LRRC4C: variants seen among roughly 807,000 people sequenced by gnomAD.
The protein encoded by LRRC4C is leucine rich repeat containing 4C.
Under a neutral mutation model 33.6 loss-of-function variants are expected in LRRC4C, and 5 were observed. That is an observed-to-expected ratio of 0.15 (90% CI 0.08 to 0.31). The LOEUF (loss-of-function observed/expected upper bound fraction) is 0.31, where lower values mean the gene tolerates loss of function less well. LRRC4C is among the 10% of genes least tolerant of loss of function. The pLI is 1.00. For synonymous variants in LRRC4C, 329 were observed against 302.0 expected (o/e 1.09, Z -0.93); for missense variants, 560 against 796.7 (o/e 0.70, Z 3.58).
intron 3 of LRRC4C, among the ~76,000 whole-genome samples, chr11:40,411,673 T>A (rs1950161278): frequency 1.3e-5 from 2 of 152,092 alleles, no homozygotes; most frequent in Non-Finnish European, 2.9e-5. Flanking sequence ...TGCTTAGTGA[T>A]GCAGGTTTTA....
intron 1 of LRRC4C, among the ~76,000 whole-genome samples, chr11:41,439,690 C>T (rs1273378193): frequency 2.0e-5 from 3 of 152,070 alleles, no homozygotes; most frequent in African/African-American, 7.2e-5. Flanking sequence ...TTTTAAAAAA[C>T]ATCTGTTCAT....
chr11:40,426,355 A>C (rs1004197838), intron 3 of LRRC4C, among the ~76,000 whole-genome samples: 2 of 148,156 alleles, frequency 1.3e-5, no homozygotes, highest in Non-Finnish European at 3.0e-5. Context: ...CAACTCTCAT[A>C]TTCCTCACTT....
At chr11:41,011,810 T>A (rs1316935272) in intron 1 of LRRC4C, among the ~76,000 whole-genome samples, 8 of 133,496 alleles carry the variant, frequency 6.0e-5, no homozygotes, top group Non-Finnish European at 1.3e-4. Context: ...AAAAAAAAAA[T>A]CATTCTATGT....
intron 1 of LRRC4C, among the ~76,000 whole-genome samples, chr11:41,279,063 G>C (rs1456929897): frequency 6.6e-6 from 1 of 152,022 alleles, no homozygotes; most frequent in African/African-American, 2.4e-5. Flanking sequence ...TGTGGCATTT[G>C]GTTTTCTGTT....
chr11:40,466,402 C>A (rs182956627), intron 3 of LRRC4C, among the ~76,000 whole-genome samples: 1 of 151,762 alleles, frequency 6.6e-6, no homozygotes, highest in Admixed American at 6.6e-5. Flanking sequence ...CCCTCGTAAC[C>A]CCTAAATCTA....
intron 2 of LRRC4C, among the ~76,000 whole-genome samples, chr11:40,770,049 A>C (rs1189038684): frequency 6.6e-6 from 1 of 152,214 alleles, no homozygotes; most frequent in Non-Finnish European, 1.5e-5. Flanking sequence ...CAAAGGAAAC[A>C]ATAATCAAAG....
At chr11:40,315,705 T>A (rs1945542751) in intron 4 of LRRC4C, among the ~76,000 whole-genome samples, 1 of 152,036 alleles carries the variant, frequency 6.6e-6, no homozygotes, top group Non-Finnish European at 1.5e-5. Context: ...TGTCTTCATT[T>A]GTCCACTGAT....
intron 2 of LRRC4C, among the ~76,000 whole-genome samples, chr11:40,732,402 C>A (rs1321818794): frequency 6.6e-6 from 1 of 152,150 alleles, no homozygotes; most frequent in Admixed American, 6.5e-5. Flanking sequence ...GAATGATGGT[C>A]TCTCTAGTTC....
intron 4 of LRRC4C, among the ~76,000 whole-genome samples, chr11:40,271,575 G>C (rs1942700628): frequency 6.6e-6 from 1 of 152,152 alleles, no homozygotes; most frequent in Non-Finnish European, 1.5e-5. Flanking sequence ...GGCTCTGGCT[G>C]AAACAGCTTC....
At chr11:40,381,976 T>TTTTTTTA (rs1948888430) in intron 3 of LRRC4C, among the ~76,000 whole-genome samples, 1 of 148,132 alleles carries the variant, frequency 6.8e-6, no homozygotes, top group African/African-American at 2.5e-5. Context: ...TTTTTTTTTT[T>TTTTTTTA]GAGAGAGTCC....
At chr11:40,475,264 T>C (rs1381381104) in intron 3 of LRRC4C, among the ~76,000 whole-genome samples, 1 of 151,996 alleles carries the variant, frequency 6.6e-6, no homozygotes, top group Non-Finnish European at 1.5e-5. Flanking sequence ...TGGAATAATA[T>C]GCAGCCATAA....
chr11:41,274,338 G>A (rs922203034), intron 1 of LRRC4C, among the ~76,000 whole-genome samples: 2 of 152,052 alleles, frequency 1.3e-5, no homozygotes, highest in East Asian at 1.9e-4. Flanking sequence ...TAAACTCAAC[G>A]GGATCAAGGG....
intron 1 of LRRC4C, among the ~76,000 whole-genome samples, chr11:41,451,775 A>C (rs1223464326): frequency 1.3e-5 from 2 of 152,160 alleles, no homozygotes; most frequent in African/African-American, 2.4e-5. Context: ...GTTGACTGAT[A>C]ATATGTTTAA....
At chr11:40,155,316 A>G (rs1400391674) in intron 5 of LRRC4C, among the ~76,000 whole-genome samples, 1 of 152,092 alleles carries the variant, frequency 6.6e-6, no homozygotes, top group African/African-American at 2.4e-5. Context: ...AAAGAAGAAC[A>G]AACAAAACCC....
intron 1 of LRRC4C, among the ~76,000 whole-genome samples, chr11:40,989,053 C>T (rs1334679800): frequency 2.0e-5 from 3 of 152,064 alleles, no homozygotes; most frequent in Non-Finnish European, 4.4e-5. Context: ...TCACGACATA[C>T]TGGCTGTTAA....
chr11:41,324,438 T>A (rs1050418020), intron 1 of LRRC4C, among the ~76,000 whole-genome samples: 1 of 151,994 alleles, frequency 6.6e-6, no homozygotes, highest in Non-Finnish European at 1.5e-5. Context: ...CTCAAAAAAA[T>A]AAATAAATAA....
intron 3 of LRRC4C, among the ~76,000 whole-genome samples, chr11:40,547,616 G>T (rs1317336314): frequency 6.6e-6 from 1 of 151,962 alleles, no homozygotes; most frequent in Non-Finnish European, 1.5e-5. Context: ...AACACATCAT[G>T]GCCTGAAATC....
chr11:40,383,153 A>G (rs1948960124), intron 3 of LRRC4C, among the ~76,000 whole-genome samples: 1 of 152,148 alleles, frequency 6.6e-6, no homozygotes, highest in South Asian at 2.1e-4. Context: ...TTCACCTAGC[A>G]TGATGTTCTT....
intron 1 of LRRC4C, among the ~76,000 whole-genome samples, chr11:41,060,728 C>A (rs1937698242): frequency 6.6e-6 from 1 of 152,062 alleles, no homozygotes; most frequent in Admixed American, 6.5e-5. Flanking sequence ...TTATTGTTAA[C>A]CTTCTTAAAA....
Sources: gnomAD v4.1 joint callset for allele counts (sites outside exome capture counted in the v4.1 genomes callset) on GRCh38, gnomAD v4.1.1 for gene constraint, MANE v1.5 for transcripts, NCBI Gene and HGNC (gene_info 2026-07-23, HGNC 2026-07-21) for gene names.